Variants in NRG1 observed in about 807,000 individuals in gnomAD.
NRG1 encodes the protein pro-neuregulin-1, membrane-bound isoform.
Under a neutral mutation model 63.8 loss-of-function variants are expected in NRG1, and 18 were observed. The observed-to-expected ratio is 0.28, with a 90% CI of 0.19 to 0.42. The LOEUF is 0.42. NRG1 is among the 10% of genes least tolerant of loss of function. The pLI is 1.00. For synonymous variants in NRG1, 302 were observed against 301.3 expected (o/e 1.00, Z -0.02); for missense variants, 762 against 814.7 (o/e 0.94, Z 0.79).
intron 1 of NRG1, among the ~76,000 whole-genome samples, chr8:31,663,989 G>T (rs917864628): frequency 6.6e-6 from 1 of 151,932 alleles, no homozygotes; most frequent in Non-Finnish European, 1.5e-5. Flanking sequence ...TTTTTTTTAG[G>T]GGGGCGGTTT....
At chr8:32,621,430 A>G (rs1848314271) in intron 5 of NRG1, among the ~76,000 whole-genome samples, 1 of 152,218 alleles carries the variant, frequency 6.6e-6, no homozygotes, top group Non-Finnish European at 1.5e-5. Flanking sequence ...CAGCAGAAGT[A>G]AAGTGATTGT....
intron 1 of NRG1, among the ~76,000 whole-genome samples, chr8:32,498,993 C>G (rs1827544213): frequency 6.6e-6 from 1 of 152,194 alleles, no homozygotes; most frequent in African/African-American, 2.4e-5. Context: ...CAGGGAGTTG[C>G]ATACCTCAAA....
intron 1 of NRG1, among the ~76,000 whole-genome samples, chr8:32,329,248 T>C (rs1423082366): frequency 1.3e-5 from 2 of 152,102 alleles, no homozygotes; most frequent in African/African-American, 4.8e-5. Context: ...GGATTACAGG[T>C]GTGAGCCACT....
At chr8:32,272,170 G>A (rs1256617986) in intron 1 of NRG1, among the ~76,000 whole-genome samples, 1 of 152,192 alleles carries the variant, frequency 6.6e-6, no homozygotes, top group Non-Finnish European at 1.5e-5. Context: ...CCATTCTGGA[G>A]GCTGGAAGTC....
chr8:32,224,482 C>T (rs1846131010), intron 1 of NRG1, among the ~76,000 whole-genome samples: 1 of 152,118 alleles, frequency 6.6e-6, no homozygotes, highest in African/African-American at 2.4e-5. Context: ...AGTGATCTTC[C>T]AGTGGGAGGA....
chr8:31,723,593 G>A (rs1813134485), intron 1 of NRG1, among the ~76,000 whole-genome samples: 1 of 152,044 alleles, frequency 6.6e-6, no homozygotes, highest in African/African-American at 2.4e-5. Context: ...GAGTAACTGG[G>A]ACTATAGATG....
intron 1 of NRG1, among the ~76,000 whole-genome samples, chr8:31,917,853 C>T (rs1389525791): frequency 6.6e-6 from 1 of 152,130 alleles, no homozygotes; most frequent in Non-Finnish European, 1.5e-5. Context: ...GAATGTTCTT[C>T]CATTTGTTTG....
intron 5 of NRG1, among the ~76,000 whole-genome samples, chr8:32,644,419 GCT>G: frequency 6.6e-6 from 1 of 152,216 alleles, no homozygotes; most frequent in South Asian, 2.1e-4. Flanking sequence ...CTCTTTTATT[GCT>G]ATAGAGGATT....
chr8:31,696,947 A>G (rs1166064439), intron 1 of NRG1, among the ~76,000 whole-genome samples: 1 of 152,184 alleles, frequency 6.6e-6, no homozygotes, highest in African/African-American at 2.4e-5. Flanking sequence ...AAACACAAAT[A>G]ATAGTGAAGT....
chr8:31,698,828 C>T (rs1810344562), intron 1 of NRG1, among the ~76,000 whole-genome samples: 1 of 152,118 alleles, frequency 6.6e-6, no homozygotes, highest in East Asian at 1.9e-4. Context: ...TCAGAAATTC[C>T]TGAAAAGCTA....
intron 1 of NRG1, among the ~76,000 whole-genome samples, chr8:32,113,411 C>T (rs542713536): frequency 6.6e-6 from 1 of 152,264 alleles, no homozygotes; most frequent in South Asian, 2.1e-4. Context: ...TTCCTGATCC[C>T]ACTCACTGCT....
rs570388285 is a variant in NRG1 at position 32,064,114 on chromosome 8, A to G, written c.37+424683A>G. 3.9e-4 allele frequency among the ~76,000 whole-genome samples: 60 copies of G among 152,236 alleles called. 1 individual carries two copies. In the South Asian group the frequency reaches 7.2e-3, roughly 18 times the overall value. On this transcript the variant is annotated intron_variant, in intron 1 of 10. Transcript: ENST00000519301. ...AAACCCTTTCTGGCAAAGAAATGTTATCTAGAAATCTAGCTGACCCAAAGG... is the reference window on the plus strand; with the variant it reads ...AAACCCTTTCTGGCAAAGAAATGTTGTCTAGAAATCTAGCTGACCCAAAGG...
intron 1 of NRG1, among the ~76,000 whole-genome samples, chr8:32,109,993 T>C (rs1027213565): frequency 1.3e-5 from 2 of 152,186 alleles, no homozygotes; most frequent in Non-Finnish European, 2.9e-5. Flanking sequence ...TTCTCCTCTG[T>C]TCAATGGAAC....
chr8:32,493,566 T>C (rs1277889766), intron 1 of NRG1, among the ~76,000 whole-genome samples: 2 of 152,188 alleles, frequency 1.3e-5, no homozygotes, highest in Non-Finnish European at 2.9e-5. Context: ...ACAGATACAA[T>C]GACATTCTTA....
intron 1 of NRG1, among the ~76,000 whole-genome samples, chr8:32,113,622 T>A (rs1364465877): frequency 2.0e-5 from 3 of 152,200 alleles, no homozygotes; most frequent in Admixed American, 6.5e-5. Flanking sequence ...TCATAGAATC[T>A]GATATAAGTG....
At chr8:31,803,743 T>A (rs1822011883) in intron 1 of NRG1, among the ~76,000 whole-genome samples, 1 of 152,196 alleles carries the variant, frequency 6.6e-6, no homozygotes, top group Non-Finnish European at 1.5e-5. Flanking sequence ...CACTTAAAAT[T>A]CCAAATTTCT....
chr8:31,932,642 T>G (rs1834960102), intron 1 of NRG1, among the ~76,000 whole-genome samples: 1 of 152,224 alleles, frequency 6.6e-6, no homozygotes, highest in South Asian at 2.1e-4. Context: ...ATATTTTCTA[T>G]AGAAATTTTG....
intron 1 of NRG1, among the ~76,000 whole-genome samples, chr8:32,419,020 T>C (rs1050357877): frequency 6.6e-6 from 1 of 152,216 alleles, no homozygotes; most frequent in African/African-American, 2.4e-5. Flanking sequence ...GAAATCATCA[T>C]GGAAAATAGG....
intron 1 of NRG1, among the ~76,000 whole-genome samples, chr8:31,704,010 A>C (rs1230643461): frequency 1.3e-5 from 2 of 152,222 alleles, no homozygotes; most frequent in East Asian, 3.9e-4. Flanking sequence ...TTGCTACCCT[A>C]CTTAAATGAA....
Sources: gnomAD v4.1 joint callset for allele counts (sites outside exome capture counted in the v4.1 genomes callset) on GRCh38, gnomAD v4.1.1 for gene constraint, MANE v1.5 for transcripts, NCBI Gene and HGNC (gene_info 2026-07-23, HGNC 2026-07-21) for gene names.